MACROD2: variants seen among roughly 807,000 people sequenced by gnomAD.
The protein encoded by MACROD2 is ADP-ribose glycohydrolase MACROD2.
In MACROD2, 36 loss-of-function variants were observed where a neutral mutation model predicts 70.4. That is an observed-to-expected ratio of 0.51 (90% CI 0.39 to 0.68). The LOEUF (loss-of-function observed/expected upper bound fraction) is 0.68, where lower values mean the gene tolerates loss of function less well. MACROD2 is among the 30% of genes least tolerant of loss of function. The pLI is 0.00. For synonymous variants in MACROD2, 172 were observed against 178.8 expected, an observed-to-expected ratio of 0.96 and a Z score of 0.30; for missense variants, 496 against 538.4, an observed-to-expected ratio of 0.92 and a Z score of 0.78.
chr20:14,098,776 T>G (rs1011969374), intron 3 of MACROD2, among the ~76,000 whole-genome samples: 1 of 152,214 alleles, frequency 6.6e-6, no homozygotes, highest in Non-Finnish European at 1.5e-5. Flanking sequence ...CAGTAACTAC[T>G]TGATTCAGTT....
intron 6 of MACROD2, among the ~76,000 whole-genome samples, chr20:15,390,924 A>G (rs2045784192): frequency 6.6e-6 from 1 of 152,184 alleles, no homozygotes; most frequent in Non-Finnish European, 1.5e-5. Flanking sequence ...TTCCTAATCC[A>G]TGATATTTCA....
At chr20:15,596,443 C>T (rs1029247491) in intron 8 of MACROD2, among the ~76,000 whole-genome samples, 6 of 152,222 alleles carry the variant, frequency 3.9e-5, no homozygotes, top group Middle Eastern at 3.2e-3. Context: ...TGAGAAGGTA[C>T]TCAGAGGTCC....
chr20:15,181,115 C>G (rs935302109), intron 5 of MACROD2, among the ~76,000 whole-genome samples: 15 of 152,136 alleles, frequency 9.9e-5, no homozygotes, highest in African/African-American at 3.6e-4. Flanking sequence ...TACAGCTGGC[C>G]CTGCAGAACC....
intron 8 of MACROD2, among the ~76,000 whole-genome samples, chr20:15,510,058 C>T (rs905768112): frequency 6.6e-6 from 1 of 152,194 alleles, no homozygotes; most frequent in African/African-American, 2.4e-5. Context: ...ATATTAACAA[C>T]CTTGACCCAT....
At chr20:14,035,216 A>T (rs1293741452) in intron 2 of MACROD2, among the ~76,000 whole-genome samples, 1 of 152,124 alleles carries the variant, frequency 6.6e-6, no homozygotes, top group Admixed American at 6.6e-5. Context: ...TTTCCTTTGC[A>T]TTAGCTAAGG....
intron 5 of MACROD2, among the ~76,000 whole-genome samples, chr20:15,110,764 C>A (rs893057543): frequency 1.3e-5 from 2 of 152,166 alleles, no homozygotes; most frequent in Non-Finnish European, 2.9e-5. Context: ...TCCATCAACC[C>A]TCCTGTGCAC....
intron 4 of MACROD2, among the ~76,000 whole-genome samples, chr20:14,627,528 T>A (rs1984252074): frequency 6.6e-6 from 1 of 152,204 alleles, no homozygotes; most frequent in Admixed American, 6.5e-5. Context: ...TTACAGGCAT[T>A]GTTCCTGGGA....
intron 5 of MACROD2, among the ~76,000 whole-genome samples, chr20:15,199,271 ACT>A (rs1401376046): frequency 1.3e-5 from 2 of 151,920 alleles, no homozygotes; most frequent in African/African-American, 2.4e-5. Context: ...TGGGAGGATC[ACT>A]CTGAGCCTGG....
chr20:15,143,953 A>AAT (rs1391233186), intron 5 of MACROD2, among the ~76,000 whole-genome samples: 3 of 147,792 alleles, frequency 2.0e-5, no homozygotes, highest in Non-Finnish European at 4.4e-5. Context: ...GCTAAAAAAA[A>AAT]AAAAATCGCA....
intron 8 of MACROD2, among the ~76,000 whole-genome samples, chr20:15,858,752 A>C (rs893993107): frequency 6.6e-6 from 1 of 152,142 alleles, no homozygotes; most frequent in South Asian, 2.1e-4. Flanking sequence ...CTGCTTCCTC[A>C]TGGCATGGTG....
chr20:14,860,950 T>C (rs979624463), intron 5 of MACROD2, among the ~76,000 whole-genome samples: 1 of 145,398 alleles, frequency 6.9e-6, no homozygotes, highest in African/African-American at 2.5e-5. Context: ...ATCCCCATTC[T>C]GGAGACTTTA....
intron 5 of MACROD2, among the ~76,000 whole-genome samples, chr20:14,970,873 T>C (rs1223929970): frequency 6.6e-6 from 1 of 151,914 alleles, no homozygotes; most frequent in African/African-American, 2.4e-5. Context: ...CACCTCAGCC[T>C]CCCAAAGCAC....
intron 5 of MACROD2, among the ~76,000 whole-genome samples, chr20:14,845,287 A>C (rs994593664): frequency 5.3e-5 from 8 of 152,094 alleles, no homozygotes; most frequent in Non-Finnish European, 1.0e-4. Flanking sequence ...AATGATATTA[A>C]TATATTGGAG....
intron 3 of MACROD2, among the ~76,000 whole-genome samples, chr20:14,261,383 C>T (rs1006201348): frequency 2.0e-5 from 3 of 151,978 alleles, no homozygotes; most frequent in African/African-American, 7.2e-5. Flanking sequence ...TTTCTACTTT[C>T]GCATTTAATG....
At chr20:15,530,454 C>A (rs912731103) in intron 8 of MACROD2, among the ~76,000 whole-genome samples, 3 of 151,838 alleles carry the variant, frequency 2.0e-5, no homozygotes, top group Non-Finnish European at 2.9e-5. Flanking sequence ...TATTATGGGC[C>A]AGGCATGGTG....
chr20:16,002,512 T>C (rs1001267734), intron 15 of MACROD2, among the ~76,000 whole-genome samples: 6 of 152,080 alleles, frequency 3.9e-5, no homozygotes, highest in Non-Finnish European at 8.8e-5. Context: ...GATGCGTTGG[T>C]AGAGGCAGAG....
intron 3 of MACROD2, among the ~76,000 whole-genome samples, chr20:14,200,694 TA>T (rs1417539798): frequency 2.0e-5 from 3 of 152,240 alleles, no homozygotes; most frequent in Non-Finnish European, 4.4e-5. Flanking sequence ...ATTTCTGCAA[TA>T]ATTTATGTGT....
At chr20:15,910,445 C>A (rs1314686778) in intron 10 of MACROD2, among the ~76,000 whole-genome samples, 4 of 149,458 alleles carry the variant, frequency 2.7e-5, no homozygotes, top group African/African-American at 9.9e-5. Context: ...TATCACCATT[C>A]TTTTTCTCTA....
At chr20:14,858,615 A>T (rs1310550208) in intron 5 of MACROD2, among the ~76,000 whole-genome samples, 1 of 152,128 alleles carries the variant, frequency 6.6e-6, no homozygotes, top group East Asian at 1.9e-4. Context: ...ACTTCTACCT[A>T]CCCAAAGCAC....
Sources: gnomAD v4.1 joint callset for allele counts (sites outside exome capture counted in the v4.1 genomes callset) on GRCh38, gnomAD v4.1.1 for gene constraint, MANE v1.5 for transcripts, NCBI Gene and HGNC (gene_info 2026-07-23, HGNC 2026-07-21) for gene names.